HPCAL1: variants seen among roughly 807,000 people sequenced by gnomAD.
HPCAL1 encodes hippocalcin like 1, also known as hippocalcin-like protein 1.
HPCAL1 carries 8 observed loss-of-function variants against 17.1 expected under a neutral mutation model. The ratio of observed to expected loss-of-function variants is 0.47; its 90% CI spans 0.27 to 0.84. HPCAL1 has a LOEUF of 0.84. Among genes scored for constraint, HPCAL1 ranks in the 40% least tolerant of loss-of-function variants. The pLI is 0.13. For synonymous variants in HPCAL1, 112 were observed against 111.4 expected (o/e 1.01, Z -0.03); for missense variants, 165 against 271.1 (o/e 0.61, Z 2.75).
intron 2 of HPCAL1, among the ~76,000 whole-genome samples, chr2:10,407,581 C>A (rs1389005133): frequency 2.0e-5 from 3 of 152,166 alleles, no homozygotes; most frequent in African/African-American, 7.2e-5. Context: ...TGCCAGGTGG[C>A]AGGAAATGCT....
chr2:10,401,647 G>C (rs770372390), intron 2 of HPCAL1, among the ~76,000 whole-genome samples: 4 of 152,152 alleles, frequency 2.6e-5, no homozygotes. Flanking sequence ...CCTGCCTCTC[G>C]TCAAACAATT....
At chr2:10,361,574 T>A (rs888495063) in intron 1 of HPCAL1, among the ~76,000 whole-genome samples, 1 of 152,204 alleles carries the variant, frequency 6.6e-6, no homozygotes, top group Non-Finnish European at 1.5e-5. Context: ...GCCCTTCTTA[T>A]GTTATCAGTA....
At chr2:10,406,871 G>A (rs573243346) in intron 2 of HPCAL1, among the ~76,000 whole-genome samples, 73 of 152,326 alleles carry the variant, frequency 4.8e-4, no homozygotes, top group African/African-American at 1.7e-3. Context: ...CGGACGGAAG[G>A]GGAGCATTCT....
At chr2:10,411,798 G>A (rs543062499) in intron 2 of HPCAL1, among the ~76,000 whole-genome samples, 2 of 152,272 alleles carry the variant, frequency 1.3e-5, no homozygotes, top group Admixed American at 6.5e-5. Context: ...TCCCCTGCTC[G>A]GAGGCTGATC....
chr2:10,401,781 G>T (rs1027056520), intron 2 of HPCAL1, among the ~76,000 whole-genome samples: 2 of 152,198 alleles, frequency 1.3e-5, no homozygotes, highest in African/African-American at 4.8e-5. Flanking sequence ...AGAGAACTGG[G>T]GCCCAGCTGG....
At chr2:10,303,731 G>A (rs1240037703) in intron 1 of HPCAL1, 7 of 152,296 alleles carry the variant, frequency 4.6e-5, no homozygotes, top group Admixed American at 4.6e-4. Context: ...CCCACGCGGA[G>A]GCGATCCGCT....
At chr2:10,347,199 C>A (rs915156883) in intron 1 of HPCAL1, among the ~76,000 whole-genome samples, 2 of 152,076 alleles carry the variant, frequency 1.3e-5, no homozygotes, top group African/African-American at 4.8e-5. Context: ...GTGACCCATA[C>A]GGTGGGCGCC....
chr2:10,363,465 A>G lies in HPCAL1; in HGVS notation c.-110-33370A>G, dbSNP rs540850969. 6.6e-6 allele frequency among the ~76,000 whole-genome samples: 1 copy of G among 152,280 alleles called. No individual in the cohort carries two copies. The highest frequency in any genetic ancestry group is 1.9e-4 in the East Asian group (1 of 5,180). On this transcript the variant is annotated intron_variant, in intron 1 of 4. Transcript: ENST00000307845. The surrounding 1 kb of genome is among the most constrained non-coding windows in gnomAD (Gnocchi z 4.7). ...TTGGCTGTTTGTAGGAGCTTCCAGA[A>G]GCGACCTTTCGGGATGCCTCTTACA...
chr2:10,399,233 C>CGCCGCTGCCGCT (rs765808869), intron 2 of HPCAL1, among the ~76,000 whole-genome samples: 2 of 66,378 alleles, frequency 3.0e-5, no homozygotes, highest in East Asian at 5.0e-4. Context: ...CCACCACCAC[C>CGCCGCTGCCGCT]ACCACCATCA....
intron 1 of HPCAL1, among the ~76,000 whole-genome samples, chr2:10,370,871 C>T (rs1244066178): frequency 1.3e-5 from 2 of 152,210 alleles, no homozygotes; most frequent in Non-Finnish European, 2.9e-5. Flanking sequence ...CCCCGTGGGG[C>T]TCAGTTTCCT....
intron 1 of HPCAL1, among the ~76,000 whole-genome samples, chr2:10,318,805 A>G (rs2125398518): frequency 6.6e-6 from 1 of 152,288 alleles, no homozygotes; most frequent in African/African-American, 2.4e-5. Context: ...TGAACAGGCC[A>G]TCCTTTTTAA....
rs1279733322 is a variant in HPCAL1, at chr2:10,359,849, C to G, written c.-110-36986C>G. On this transcript the variant is annotated intron_variant, in intron 1 of 4. Transcript: ENST00000307845. The surrounding 1 kb of genome is among the most constrained non-coding windows in gnomAD (Gnocchi z 4.1). ...GCCCTTTCCAGAGCAGGCTGCATCTCCCCTCAGCTTCCACACTCTGAACCT... is the reference window on the plus strand; with the variant it reads ...GCCCTTTCCAGAGCAGGCTGCATCTGCCCTCAGCTTCCACACTCTGAACCT... 6.6e-6 allele frequency among the ~76,000 whole-genome samples: 1 copy of G among 152,174 alleles called. No homozygotes were observed. The highest frequency in any genetic ancestry group is 1.5e-5 in the Non-Finnish European group (1 of 68,012).
chr2:10,424,504 C>T, intron 4 of HPCAL1: 1 of 470,986 alleles, frequency 2.1e-6, no homozygotes, highest in South Asian at 1.5e-5. Context: ...CAAATAATGG[C>T]TGTTGTTCCC....
chr2:10,420,093 C>A lies in HPCAL1; in HGVS notation c.336C>A (p.Gly112=), dbSNP rs1190927268. 1.2e-6 allele frequency: 2 copies of A among 1,613,348 alleles called. No homozygotes were observed. Among genetic ancestry groups the A allele is most frequent in the Non-Finnish European group, 1.7e-6 (2 of 1,179,924 alleles). ...KWAFSMYDLD[G]NGYISRSEML... ...CCTTCAGCATGTACGACCTGGACGG[C>A]AACGGCTACATCAGCCGCAGCGAGA... Residue 112 remains glycine (G), a synonymous_variant, in exon 3 of 5, where the codon GGC becomes GGA. Coordinates refer to ENST00000307845, the MANE Select transcript of HPCAL1 (RefSeq NM_002149.4).
rs886406317 is a variant in HPCAL1 at position 10,315,224 on chromosome 2, T to C, written c.-111+12047T>C. Among the ~76,000 whole-genome samples, 4 of 148,546 alleles carry C rather than the reference T, an allele frequency of 2.7e-5. No homozygotes were observed. In the East Asian group the frequency reaches 5.9e-4, roughly 22 times the overall value. The stretch of plus-strand genomic sequence containing the variant: ...AGGAGAATAGGGTGAACCCAGGAGG[T>C]GGAGCTTGCAGTGAGCCGAGATCGC... On this transcript the variant is annotated intron_variant, in intron 1 of 4. Transcript: ENST00000307845.
rs1335876756 is a variant in HPCAL1, at chr2:10,330,261, A to T, written c.-111+27084A>T. 6.6e-6 allele frequency: 1 copy of T among 152,190 alleles called. No individual in the cohort carries two copies. The highest frequency in any genetic ancestry group is 6.5e-5 in the Admixed American group (1 of 15,284). 9.4% of individuals were successfully genotyped at this position (152,190 alleles called of 1,614,324 possible). ...TCTAGATGCTTCTGACATGGACAAA[A>T]GGAGAATTCCTGACTTTTTGGTGGA... On this transcript the variant is annotated intron_variant, in intron 1 of 4. Coordinates refer to ENST00000307845, the MANE Select transcript of HPCAL1 (RefSeq NM_002149.4). This position sits in a 1 kb window ranked among gnomAD's most constrained non-coding sequence, Gnocchi z 4.2.
At chr2:10,407,905 C>T (rs540413803) in intron 2 of HPCAL1, among the ~76,000 whole-genome samples, 1 of 152,310 alleles carries the variant, frequency 6.6e-6, no homozygotes, top group South Asian at 2.1e-4. Flanking sequence ...ACTAGAAAAA[C>T]GCTGTTAGAA....
chr2:10,337,854 T>C (rs1425784488), intron 1 of HPCAL1, among the ~76,000 whole-genome samples: 1 of 152,208 alleles, frequency 6.6e-6, no homozygotes, highest in East Asian at 1.9e-4. Context: ...GAATGGTCTC[T>C]GTCAATGTTC....
chr2:10,312,191 TCATCATCACTGTCATCATCAACATC>T (rs199776945), intron 1 of HPCAL1, among the ~76,000 whole-genome samples: 89,380 of 146,732 alleles, frequency 0.61, 27,292 homozygotes, highest in East Asian at 0.8. Flanking sequence ...ACCATCACCA[TCATCATCACTGTCATCATCAACATC>T]CATCATCACT....
Sources: allele counts gnomAD v4.1 joint callset (sites outside exome capture counted in the v4.1 genomes callset), GRCh38; gene constraint gnomAD v4.1.1; non-coding constraint Gnocchi (gnomAD v3.1); transcripts MANE v1.5; gene names NCBI Gene and HGNC (gene_info 2026-07-23, HGNC 2026-07-21).